ZRANB3: variants seen among roughly 807,000 people sequenced by gnomAD.
ZRANB3 encodes DNA annealing helicase and endonuclease ZRANB3.
In ZRANB3, 125 loss-of-function variants were observed where a neutral mutation model predicts 133.8. The observed-to-expected ratio is 0.93, with a 90% confidence interval of 0.81 to 1.08. The LOEUF is 1.08. ZRANB3 is among the 50% of genes least tolerant of loss of function. ZRANB3 has a pLI of 0.00. For missense variants in ZRANB3, 1,229 were observed against 1,275.5 expected, an observed-to-expected ratio of 0.96 and a Z score of 0.56; for synonymous variants, 387 against 432.7, an observed-to-expected ratio of 0.89 and a Z score of 1.31.
At chr2:135,284,534 C>A (rs1681254494) in intron 8 of ZRANB3, among the ~76,000 whole-genome samples, 1 of 152,186 alleles carries the variant, frequency 6.6e-6, no homozygotes, top group South Asian at 2.1e-4. Flanking sequence ...TGCAGTGGCG[C>A]GATCTCAGCT....
At chr2:135,211,014 G>C (rs1310002814) in intron 17 of ZRANB3, among the ~76,000 whole-genome samples, 7 of 150,968 alleles carry the variant, frequency 4.6e-5, no homozygotes, top group Admixed American at 4.6e-4. Context: ...GGGTGACAGA[G>C]AGAGACTCTG....
At chr2:135,396,809 AAT>A (rs1347086544) in intron 2 of ZRANB3, among the ~76,000 whole-genome samples, 3 of 152,184 alleles carry the variant, frequency 2.0e-5, no homozygotes, top group African/African-American at 7.2e-5. Flanking sequence ...TAATTAAAAC[AAT>A]ATAATTGGAT....
At chr2:135,370,715 T>C (rs964593183) in intron 3 of ZRANB3, among the ~76,000 whole-genome samples, 10 of 152,218 alleles carry the variant, frequency 6.6e-5, no homozygotes, top group African/African-American at 2.4e-4. Context: ...ATATTCTCAG[T>C]TGTCCAATTC....
At chr2:135,369,674 T>G (rs1243696149) in intron 3 of ZRANB3, among the ~76,000 whole-genome samples, 1 of 152,176 alleles carries the variant, frequency 6.6e-6, no homozygotes, top group East Asian at 1.9e-4. Flanking sequence ...ATAGCCGAAG[T>G]AAGGTGGGGA....
intron 8 of ZRANB3, among the ~76,000 whole-genome samples, chr2:135,295,676 T>C (rs1287440277): frequency 2.0e-5 from 3 of 152,234 alleles, no homozygotes; most frequent in South Asian, 2.1e-4. Flanking sequence ...CTAGCCTCGA[T>C]GGTCTTTACA....
intron 2 of ZRANB3, among the ~76,000 whole-genome samples, chr2:135,402,713 G>T (rs369053643): frequency 6.6e-6 from 1 of 151,994 alleles, no homozygotes; most frequent in Admixed American, 6.6e-5. Flanking sequence ...AGCCTCCTGA[G>T]TAGCTGGAAT....
chr2:135,380,708 GC>G, intron 3 of ZRANB3, among the ~76,000 whole-genome samples: 1 of 152,304 alleles, frequency 6.6e-6, no homozygotes, highest in East Asian at 1.9e-4. Flanking sequence ...TTAAGAGAAA[GC>G]AGGAAAGATC....
At chr2:135,328,186 G>A (rs376507136) in intron 6 of ZRANB3, among the ~76,000 whole-genome samples, 2 of 151,904 alleles carry the variant, frequency 1.3e-5, no homozygotes, top group Non-Finnish European at 1.5e-5. Flanking sequence ...ATTTACATTA[G>A]GTATTTCTCC....
chr2:135,374,660 C>G (rs545382701), intron 3 of ZRANB3, among the ~76,000 whole-genome samples: 1 of 152,020 alleles, frequency 6.6e-6, no homozygotes, highest in Non-Finnish European at 1.5e-5. Context: ...TCCCACCACA[C>G]CTGCCTAATT....
At chr2:135,253,269 G>A (rs1375891429) in intron 12 of ZRANB3, among the ~76,000 whole-genome samples, 1 of 152,188 alleles carries the variant, frequency 6.6e-6, no homozygotes, top group African/African-American at 2.4e-5. Context: ...CACAGTGGAA[G>A]CAGAAAGCAA....
chr2:135,406,943 T>A (rs1293724395), intron 2 of ZRANB3, among the ~76,000 whole-genome samples: 1 of 152,122 alleles, frequency 6.6e-6, no homozygotes, highest in African/African-American at 2.4e-5. Context: ...ACCACTCCTA[T>A]TCAACATAGT....
At chr2:135,473,578 A>G (rs1691373718) in intron 2 of ZRANB3, among the ~76,000 whole-genome samples, 1 of 152,128 alleles carries the variant, frequency 6.6e-6, no homozygotes, top group Admixed American at 6.5e-5. Flanking sequence ...GGAAAAGAAT[A>G]TGGAAATACA....
intron 8 of ZRANB3, among the ~76,000 whole-genome samples, chr2:135,311,505 A>G (rs1350698698): frequency 2.0e-5 from 3 of 152,096 alleles, no homozygotes; most frequent in Non-Finnish European, 4.4e-5. Flanking sequence ...AGGCCTGTAC[A>G]TGAATGATTA....
chr2:135,299,059 C>G (rs1682306049), intron 8 of ZRANB3, among the ~76,000 whole-genome samples: 1 of 152,112 alleles, frequency 6.6e-6, no homozygotes. Context: ...ATGGACAGGA[C>G]TATATAGATT....
chr2:135,487,970 C>T (rs1692196767), intron 2 of ZRANB3, among the ~76,000 whole-genome samples: 1 of 152,224 alleles, frequency 6.6e-6, no homozygotes, highest in Non-Finnish European at 1.5e-5. Flanking sequence ...TCCACTTCGA[C>T]CTGCCTTCCT....
chr2:135,449,493 AC>A (rs1408572951), intron 2 of ZRANB3, among the ~76,000 whole-genome samples: 2 of 152,034 alleles, frequency 1.3e-5, no homozygotes. Context: ...GGTGGTGGGC[AC>A]CTGTAATCCC....
intron 2 of ZRANB3, among the ~76,000 whole-genome samples, chr2:135,501,248 C>T (rs2066547050): frequency 6.6e-6 from 1 of 152,056 alleles, no homozygotes; most frequent in Non-Finnish European, 1.5e-5. Flanking sequence ...GTGTACCCCA[C>T]AGATTATGCC....
At chr2:135,380,871 C>T (rs1315167837) in intron 3 of ZRANB3, among the ~76,000 whole-genome samples, 4 of 151,974 alleles carry the variant, frequency 2.6e-5, no homozygotes, top group African/African-American at 4.8e-5. Flanking sequence ...CAGTTAAGGG[C>T]GGTTCCAAGA....
At chr2:135,268,665 T>C (rs1680362909) in intron 11 of ZRANB3, among the ~76,000 whole-genome samples, 1 of 152,176 alleles carries the variant, frequency 6.6e-6, no homozygotes, top group African/African-American at 2.4e-5. Context: ...CGCAAAGGAC[T>C]TGGGGCTTGA....
Sources: gnomAD v4.1 joint callset for allele counts (sites outside exome capture counted in the v4.1 genomes callset) on GRCh38, gnomAD v4.1.1 for gene constraint, MANE v1.5 for transcripts, NCBI Gene and HGNC (gene_info 2026-07-23, HGNC 2026-07-21) for gene names.